The following ISLR2 variants were observed in gnomAD, a reference collection of about 807,000 sequenced individuals.
The protein encoded by ISLR2 is immunoglobulin superfamily containing leucine rich repeat 2, also known as immunoglobulin superfamily containing leucine-rich repeat protein 2.
ISLR2 carries 16 observed loss-of-function variants against 25.5 expected under a neutral mutation model. The ratio of observed to expected loss-of-function variants is 0.63; its 90% CI spans 0.43 to 0.95. The LOEUF (loss-of-function observed/expected upper bound fraction) is 0.95. Among genes scored for constraint, ISLR2 ranks in the 40% least tolerant of loss-of-function variants. ISLR2 has a pLI of 0.00. For missense variants in ISLR2, 883 were observed against 1,030.7 expected, an observed-to-expected ratio of 0.86 and a Z score of 1.96; for synonymous variants, 508 against 486.6, an observed-to-expected ratio of 1.04 and a Z score of -0.58.
At chr15:74,104,509 A>G (rs1164310111) in intron 2 of ISLR2, among the ~76,000 whole-genome samples, 5 of 152,228 alleles carry the variant, frequency 3.3e-5, no homozygotes, top group African/African-American at 1.2e-4. Context: ...CAGGGGCTGC[A>G]TGGTGGCTCA....
chr15:74,107,992 C>A (rs546978314), intron 2 of ISLR2, among the ~76,000 whole-genome samples: 1 of 152,144 alleles, frequency 6.6e-6, no homozygotes, highest in Non-Finnish European at 1.5e-5. Context: ...CAGGAGAGCC[C>A]GGGTCACCTC....
At chr15:74,129,210 G>A (rs374086754), upstream of ISLR2, 22 of 371,742 alleles carry the variant, frequency 5.9e-5, no homozygotes, top group African/African-American at 4.2e-4. The surrounding 1 kb of genome is among the most constrained non-coding windows in gnomAD (Gnocchi z 4.5). Flanking sequence ...GACGGCAGGA[G>A]TAGGGGAGAG....
chr15:74,122,010 G>T (rs775209457), intron 2 of ISLR2, among the ~76,000 whole-genome samples: 10 of 152,198 alleles, frequency 6.6e-5, no homozygotes, highest in Non-Finnish European at 1.3e-4. Context: ...CCTGAAGTGG[G>T]GGCGCCTGTC....
chr15:74,137,535 A>G (rs1420573692), downstream of ISLR2, among the ~76,000 whole-genome samples: 1 of 152,094 alleles, frequency 6.6e-6, no homozygotes, highest in African/African-American at 2.4e-5. Context: ...TAGTCCTAGA[A>G]AGGGGCTTTC....
In ISLR2 at chr15:74,134,426, C is replaced by T. The variant is rs748865413; in HGVS notation, c.1672C>T (p.Leu558=). Residue 558 remains leucine (L), a synonymous_variant, in exon 3 of 3, where the codon CTG becomes TTG. Transcript: ENST00000453268. ...EGVNAYWFRG[L]RPGTNYSVCL... ...CGTCAACGCCTACTGGTTCCGCGGC[C>T]TGCGGCCGGGTACCAACTACTCCGT... is the stretch of plus-strand genomic sequence containing the variant. The T allele has an allele frequency of 6.2e-7, 1 of 1,610,986 alleles. No individual in the cohort carries two copies. Among genetic ancestry groups the T allele is most frequent in the South Asian group, 1.1e-5 (1 of 90,796 alleles).
At chr15:74,113,290 G>T (rs1349934678) in intron 2 of ISLR2, among the ~76,000 whole-genome samples, 44 of 152,036 alleles carry the variant, frequency 2.9e-4, no homozygotes, top group Non-Finnish European at 7.4e-5. Context: ...GGGGTTATGG[G>T]CCCCTGCACA....
rs116064406 is a variant in ISLR2, at chr15:74,134,977, G to A, written c.2223G>A (p.Arg741=). The A allele has an allele frequency of 4.0e-3, 6,437 of 1,612,360 alleles. 213 individuals are homozygous for A. In the African/African-American group the frequency reaches 0.075, roughly 19 times the overall value. Residue 741 remains arginine (R), a synonymous_variant, in exon 3 of 3, where the codon AGG becomes AGA. Transcript: ENST00000453268. ...NIAQEINGNY[R]QTAG ...CCCAGGAGATTAATGGCAACTACAG[G>A]CAGACGGCAGGCTGAACCTCCGCCC...
intron 2 of ISLR2, among the ~76,000 whole-genome samples, chr15:74,117,158 A>G (rs1291070194): frequency 6.6e-6 from 1 of 152,166 alleles, no homozygotes; most frequent in Non-Finnish European, 1.5e-5. Flanking sequence ...CCTTTTCATC[A>G]GCTACAGTTA....
chr15:74,115,230 A>G (rs796944041), intron 2 of ISLR2, among the ~76,000 whole-genome samples: 7 of 152,364 alleles, frequency 4.6e-5, no homozygotes, highest in African/African-American at 1.7e-4. Context: ...TGAGCACTGG[A>G]GTAAAGGCTT....
At position 74,135,340 on chromosome 15, in the gene ISLR2, C is replaced by T. The variant is rs1382337922; in HGVS notation, c.*348C>T. 6.9e-6 allele frequency: 2 copies of T among 288,790 alleles called. No homozygotes were observed. Among genetic ancestry groups the T allele is most frequent in the Admixed American group, 9.2e-5 (2 of 21,640 alleles). The allele number at this position is 288,790 out of a possible 1,614,324, so 17.9% of individuals were successfully genotyped here. On this transcript the variant is annotated 3_prime_UTR_variant, in exon 3 of 3. Transcript: ENST00000453268. ...AAATCCACCCCGCAGCCCGCCCCAC[C>T]GTGGGCTCTGGAGCCAGAGGAAACG...
chr15:74,141,166 A>C (rs1024901585), downstream of ISLR2, among the ~76,000 whole-genome samples: 3 of 152,244 alleles, frequency 2.0e-5, no homozygotes, highest in African/African-American at 7.2e-5. Context: ...TTGTTTGAAC[A>C]TGTGAATGTA....
chr15:74,100,888 T>TA (rs993884873), intron 1 of ISLR2, among the ~76,000 whole-genome samples: 58 of 147,174 alleles, frequency 3.9e-4, no homozygotes, highest in South Asian at 3.9e-3. Context: ...GTCTGATGGG[T>TA]AAAAAAAAAA....
At chr15:74,131,747 G>A (rs946935527) in intron 2 of ISLR2, among the ~76,000 whole-genome samples, 2 of 152,152 alleles carry the variant, frequency 1.3e-5, no homozygotes, top group Admixed American at 6.5e-5. Context: ...TCTAGTGACC[G>A]CTTTCCCAAC....
chr15:74,122,603 T>C (rs2072261741), intron 2 of ISLR2, among the ~76,000 whole-genome samples: 1 of 152,382 alleles, frequency 6.6e-6, no homozygotes, highest in East Asian at 1.9e-4. Context: ...CTGGTTGTTT[T>C]TCGCTTGGGC....
chr15:74,107,099 C>T (rs2072126958), intron 2 of ISLR2, among the ~76,000 whole-genome samples: 1 of 152,154 alleles, frequency 6.6e-6, no homozygotes, highest in South Asian at 2.1e-4. Context: ...TGGCCTCCTG[C>T]AGGGGCAGCC....
At chr15:74,112,573 G>A (rs956116917) in intron 2 of ISLR2, among the ~76,000 whole-genome samples, 46 of 150,990 alleles carry the variant, frequency 3.0e-4, no homozygotes, top group Non-Finnish European at 4.3e-4. Context: ...TGTATCCCAG[G>A]CTGGCATGCA....
At chr15:74,105,754 A>G (rs1184900396) in intron 2 of ISLR2, among the ~76,000 whole-genome samples, 1 of 152,080 alleles carries the variant, frequency 6.6e-6, no homozygotes, top group African/African-American at 2.4e-5. Context: ...TCCCAGAATC[A>G]CCATTCCTGG....
intron 2 of ISLR2, among the ~76,000 whole-genome samples, chr15:74,105,577 T>C (rs2072113370): frequency 7.6e-6 from 1 of 132,326 alleles, no homozygotes; most frequent in African/African-American, 2.9e-5. Context: ...CATCTCAGTT[T>C]GGAAGGTGTG....
intron 2 of ISLR2, among the ~76,000 whole-genome samples, chr15:74,118,643 G>C (rs2072229571): frequency 8.8e-6 from 1 of 113,874 alleles, no homozygotes; most frequent in African/African-American, 2.8e-5. Flanking sequence ...AAAATCTGAA[G>C]CTATTATTAT....
Sources: allele counts gnomAD v4.1 joint callset (sites outside exome capture counted in the v4.1 genomes callset), GRCh38; gene constraint gnomAD v4.1.1; non-coding constraint Gnocchi (gnomAD v3.1); transcripts MANE v1.5; gene names NCBI Gene and HGNC (gene_info 2026-07-23, HGNC 2026-07-21).